Variants in VPS13B observed in about 807,000 individuals in gnomAD.
VPS13B encodes vacuolar protein sorting 13 homolog B, also known as intermembrane lipid transfer protein VPS13B.
Under a neutral mutation model 426.4 loss-of-function variants are expected in VPS13B, and 285 were observed. The ratio of observed to expected loss-of-function variants is 0.67; its 90% CI spans 0.61 to 0.74. The LOEUF (loss-of-function observed/expected upper bound fraction) is 0.74. Among genes scored for constraint, VPS13B ranks in the 30% least tolerant of loss-of-function variants. VPS13B has a pLI of 0.00. For missense variants in VPS13B, 4,537 were observed against 4,782.6 expected, an observed-to-expected ratio of 0.95 and a Z score of 1.51; for synonymous variants, 1,676 against 1,676.4, an observed-to-expected ratio of 1.00 and a Z score of 0.01.
At chr8:99,387,653 A>G (rs920247507) in intron 20 of VPS13B, among the ~76,000 whole-genome samples, 1 of 152,128 alleles carries the variant, frequency 6.6e-6, no homozygotes, top group Non-Finnish European at 1.5e-5. Flanking sequence ...CCACCCCACC[A>G]TGGAAAATCG....
intron 17 of VPS13B, among the ~76,000 whole-genome samples, chr8:99,206,470 A>G (rs906250130): frequency 6.1e-4 from 93 of 152,284 alleles, no homozygotes; most frequent in African/African-American, 2.0e-3. Context: ...CATCTGGTCT[A>G]TTCTCATGAG....
intron 33 of VPS13B, among the ~76,000 whole-genome samples, chr8:99,619,765 G>A (rs1197709151): frequency 6.6e-6 from 1 of 151,986 alleles, no homozygotes; most frequent in Non-Finnish European, 1.5e-5. Flanking sequence ...TAGCTACTTT[G>A]GAGGCTGAGG....
intron 23 of VPS13B, among the ~76,000 whole-genome samples, chr8:99,443,609 T>C (rs1339695679): frequency 6.6e-6 from 1 of 152,202 alleles, no homozygotes; most frequent in Non-Finnish European, 1.5e-5. Context: ...CTGGTTTCTT[T>C]CATTTAATAT....
intron 33 of VPS13B, among the ~76,000 whole-genome samples, chr8:99,588,003 G>C (rs1351404054): frequency 2.0e-5 from 3 of 151,706 alleles, no homozygotes; most frequent in Non-Finnish European, 4.4e-5. Flanking sequence ...TTTGTATAAG[G>C]TGTAAGGAAG....
chr8:99,569,712 CAT>C (rs929120092), intron 31 of VPS13B, among the ~76,000 whole-genome samples: 4 of 152,180 alleles, frequency 2.6e-5, no homozygotes, highest in Admixed American at 6.5e-5. Flanking sequence ...CTTTCTGACA[CAT>C]GTGTTTTCTT....
At position 99,642,086 on chromosome 8, in the gene VPS13B, C is replaced by A; in HGVS notation, c.5496C>A (p.Ser1832=). 1 of 1,614,002 alleles carries A rather than the reference C, an allele frequency of 6.2e-7. No homozygotes were observed. ...TGACCTATTCCTGTATGGCCTTATC[C>A]AAATCGAAATCACAAGAACAGAAGA... is the stretch of plus-strand genomic sequence containing the variant. The part of the protein sequence containing the change: ...SLMTYSCMAL[S]KSKSQEQKNN... Residue 1832 remains serine (S), a synonymous_variant, in exon 34 of 62, where the codon TCC becomes TCA. Transcript: ENST00000357162.
At chr8:99,341,665 C>T (rs1811254767) in intron 19 of VPS13B, 1 of 322,726 alleles carries the variant, frequency 3.1e-6, no homozygotes, top group South Asian at 3.5e-5. Context: ...TCTTTGGCTG[C>T]CCATCTATCA....
intron 19 of VPS13B, among the ~76,000 whole-genome samples, chr8:99,306,207 G>C (rs900491568): frequency 6.6e-6 from 1 of 152,022 alleles, no homozygotes; most frequent in Non-Finnish European, 1.5e-5. Flanking sequence ...TGAACTATGT[G>C]GGCAGGATAA....
chr8:99,361,086 G>A (rs1051434581), intron 19 of VPS13B, among the ~76,000 whole-genome samples: 23 of 152,172 alleles, frequency 1.5e-4, no homozygotes, highest in Non-Finnish European at 2.6e-4. Context: ...ACTTCTCAAT[G>A]ATCCTCAGTT....
intron 19 of VPS13B, among the ~76,000 whole-genome samples, chr8:99,359,782 C>T (rs951831241): frequency 6.6e-6 from 1 of 152,148 alleles, no homozygotes; most frequent in African/African-American, 2.4e-5. Flanking sequence ...AATCAGCGTA[C>T]AACCAAAACC....
intron 56 of VPS13B, among the ~76,000 whole-genome samples, chr8:99,854,877 C>A (rs1354029424): frequency 6.6e-6 from 1 of 152,162 alleles, no homozygotes; most frequent in Admixed American, 6.5e-5. Context: ...GTGTGTCAGC[C>A]TCTCCACAGA....
At chr8:99,280,364 C>G (rs562801695) in intron 19 of VPS13B, among the ~76,000 whole-genome samples, 4 of 152,150 alleles carry the variant, frequency 2.6e-5, no homozygotes, top group Non-Finnish European at 4.4e-5. Flanking sequence ...ACCTCTCTTA[C>G]ATTCTTTCAT....
chr8:99,859,600 C>T, intron 57 of VPS13B, 120 bp downstream of exon 57: 1 of 1,329,214 alleles, frequency 7.5e-7, no homozygotes, highest in South Asian at 1.3e-5. Flanking sequence ...GGCCTTTTAG[C>T]TTGCAGTGAG....
chr8:99,378,142 C>G (rs1193134541), intron 19 of VPS13B, among the ~76,000 whole-genome samples: 1 of 139,260 alleles, frequency 7.2e-6, no homozygotes, highest in South Asian at 2.6e-4. Flanking sequence ...GAGCCCCCCC[C>G]CCCCGGAATG....
At chr8:99,186,917 A>C in intron 16 of VPS13B, among the ~76,000 whole-genome samples, 1 of 152,146 alleles carries the variant, frequency 6.6e-6, no homozygotes, top group Non-Finnish European at 1.5e-5. Context: ...TATGTTATCC[A>C]TTTGGGAACA....
At chr8:99,611,793 C>T (rs1364179327) in intron 33 of VPS13B, among the ~76,000 whole-genome samples, 2 of 151,804 alleles carry the variant, frequency 1.3e-5, no homozygotes, top group East Asian at 3.9e-4. Flanking sequence ...GTTTTCTTTC[C>T]AGAAATACTG....
chr8:99,300,839 C>A (rs182031100), intron 19 of VPS13B, among the ~76,000 whole-genome samples: 202 of 151,440 alleles, frequency 1.3e-3, no homozygotes, highest in Admixed American at 2.2e-3. Flanking sequence ...TGTTAGCCTA[C>A]CTCATAGTGT....
chr8:99,856,144 A>C (rs1369046185), intron 56 of VPS13B, among the ~76,000 whole-genome samples: 4 of 152,194 alleles, frequency 2.6e-5, no homozygotes, highest in Non-Finnish European at 5.9e-5. Flanking sequence ...TTTGGTTTAT[A>C]TTTTTAATGA....
intron 37 of VPS13B, among the ~76,000 whole-genome samples, chr8:99,720,066 T>A (rs914575739): frequency 2.0e-5 from 3 of 152,188 alleles, no homozygotes; most frequent in Non-Finnish European, 4.4e-5. Context: ...CTAAATTAAT[T>A]CATAAACATT....
Sources: gnomAD v4.1 joint callset for allele counts (sites outside exome capture counted in the v4.1 genomes callset) on GRCh38, gnomAD v4.1.1 for gene constraint, MANE v1.5 for transcripts, NCBI Gene and HGNC (gene_info 2026-07-23, HGNC 2026-07-21) for gene names.